The following ABCA9 variants were observed in gnomAD, a reference collection of about 807,000 sequenced individuals.
ABCA9 encodes the protein ATP binding cassette subfamily A member 9.
In ABCA9, 183 loss-of-function variants were observed where a neutral mutation model predicts 205.3. The ratio of observed to expected loss-of-function variants is 0.89; its 90% confidence interval spans 0.79 to 1.01. The LOEUF is 1.01. ABCA9 is among the 50% of genes least tolerant of loss of function. The pLI is 0.00. For synonymous variants in ABCA9, 651 were observed against 683.3 expected, an observed-to-expected ratio of 0.95 and a Z score of 0.74; for missense variants, 1,805 against 1,912.4, an observed-to-expected ratio of 0.94 and a Z score of 1.05.
intron 21 of ABCA9, 142 bp downstream of exon 21, chr17:69,017,514 G>A: frequency 5.8e-6 from 5 of 859,120 alleles, no homozygotes; most frequent in Non-Finnish European, 8.9e-6. Flanking sequence ...GGAAATAATT[G>A]TAGTCCAGCT....
the ABCA9 span, among the ~76,000 whole-genome samples, chr17:69,066,381 C>T: frequency 6.7e-6 from 1 of 148,938 alleles, no homozygotes; most frequent in Admixed American, 6.7e-5. Flanking sequence ...AAAAAAGTAT[C>T]TTTTTTTTTT....
In ABCA9 at chr17:68,998,309, A is replaced by G. The variant is rs79742164; in HGVS notation, c.3436-2295T>C. ...GGGCTTTTAAAACGTTTACTTCCAC[A>G]TTTTATATTTGATTATGTCTGACCT... On this transcript the variant is annotated intron_variant, in intron 25 of 38. Transcript: ENST00000340001. 2.8e-3 allele frequency among the ~76,000 whole-genome samples: 430 copies of G among 152,294 alleles called. 3 individuals are homozygous for G. Among genetic ancestry groups the G allele is most frequent in the African/African-American group, 9.8e-3 (409 of 41,568 alleles).
chr17:68,988,648 C>T (rs904446024), intron 31 of ABCA9, among the ~76,000 whole-genome samples: 2 of 152,172 alleles, frequency 1.3e-5, no homozygotes, highest in Admixed American at 6.5e-5. Flanking sequence ...TATGAAGACT[C>T]ATGGCTCTGC....
rs2069180873 is a variant in ABCA9 at position 68,984,976 on chromosome 17, A to G, written c.4288T>C (p.Cys1430Arg). Residue 1430 changes from cysteine (C) to arginine (R), a missense_variant, in exon 34 of 39, where the codon TGC becomes CGC. Physicochemically the swap from Cys to Arg is radical, Grantham distance 180. Coordinates refer to ENST00000340001, the MANE Select transcript of ABCA9 (RefSeq NM_080283.4). ...TLSEGIKRKLCFVLSILGNPS... is the reference protein window; with the variant it reads ...TLSEGIKRKLRFVLSILGNPS... ...TTCCCCAGGATGCTCAGCACAAAGC[A>G]CAGCTGCAACGGGAGGAACAGCCCC... is the stretch of plus-strand genomic sequence containing the variant. 2 of 1,614,188 alleles carry G rather than the reference A, an allele frequency of 1.2e-6. No homozygotes were observed. Among genetic ancestry groups the G allele is most frequent in the Non-Finnish European group, 8.5e-7 (1 of 1,180,040 alleles).
intron 6 of ABCA9, 134 bp downstream of exon 6, chr17:69,043,355 G>T: frequency 1.6e-6 from 1 of 628,494 alleles, no homozygotes; most frequent in Non-Finnish European, 2.7e-6. Context: ...CTGCTATGTG[G>T]CCTGGTACCT....
At chr17:69,031,848 A>C (rs189584896) in intron 10 of ABCA9, among the ~76,000 whole-genome samples, 11 of 152,338 alleles carry the variant, frequency 7.2e-5, no homozygotes, top group African/African-American at 2.6e-4. Context: ...AAGAAAGATA[A>C]TGTGGAAAAT....
At chr17:69,007,506 C>A (rs1333368618) in intron 25 of ABCA9, among the ~76,000 whole-genome samples, 1 of 152,128 alleles carries the variant, frequency 6.6e-6, no homozygotes, top group Admixed American at 6.5e-5. Flanking sequence ...GGTGAAATTG[C>A]AAGTGAATTG....
At chr17:69,075,548 C>T in the ABCA9 span, among the ~76,000 whole-genome samples, 5 of 152,040 alleles carry the variant, frequency 3.3e-5, no homozygotes, top group Admixed American at 3.3e-4. Flanking sequence ...GAACAGATGG[C>T]TATTGGTGTG....
At chr17:69,010,521 T>C (rs938001157) in intron 23 of ABCA9, among the ~76,000 whole-genome samples, 1 of 152,100 alleles carries the variant, frequency 6.6e-6, no homozygotes. Context: ...GGGAGGGCTC[T>C]GCCAGACAAC....
At chr17:68,997,599 T>C (rs1269993203) in intron 25 of ABCA9, among the ~76,000 whole-genome samples, 4 of 149,184 alleles carry the variant, frequency 2.7e-5, no homozygotes, top group African/African-American at 5.0e-5. Flanking sequence ...TTTTTCTTTT[T>C]TTTTTTTTTT....
chr17:68,999,865 C>A (rs1243258797), intron 25 of ABCA9, among the ~76,000 whole-genome samples: 1 of 152,086 alleles, frequency 6.6e-6, no homozygotes, highest in Non-Finnish European at 1.5e-5. Context: ...ATTTGCATTT[C>A]TCTGATGGCC....
chr17:68,991,042 T>A (rs1303009045), intron 28 of ABCA9, 85 bp from the exon 29 acceptor site: 1 of 1,470,082 alleles, frequency 6.8e-7, no homozygotes, highest in African/African-American at 1.4e-5. Flanking sequence ...TACTTCCAAT[T>A]TTTGGAGTAG....
chr17:69,044,656 A>C, intron 4 of ABCA9, 56 bp from the exon 5 acceptor site: 1 of 1,521,916 alleles, frequency 6.6e-7, no homozygotes, highest in Non-Finnish European at 9.0e-7. Context: ...GGCTACAGAA[A>C]AAAACAAAAT....
chr17:69,052,421 A>G (rs947608248), intron 1 of ABCA9, among the ~76,000 whole-genome samples: 2 of 152,148 alleles, frequency 1.3e-5, no homozygotes, highest in African/African-American at 2.4e-5. Context: ...GGTAAAAAAG[A>G]AAAAACAGTA....
At position 69,016,335 on chromosome 17, in the gene ABCA9, A is replaced by G; in HGVS notation, c.2957T>C (p.Leu986Pro). Residue 986 changes from leucine (L) to proline (P), a missense_variant, in exon 22 of 39, where the codon CTC (leucine) becomes CCC (proline). Leu to Pro is a moderately conservative substitution (Grantham distance 98). Transcript: ENST00000340001. ...NTKRLNCFPV[L>P]LDVISNGLLG... ...TAGTCCATTGCTAATGACATCCAGG[A>G]GGACAGGAAAGCAATTCAGCCGTTT... The G allele has an allele frequency of 1.2e-6, 2 of 1,603,908 alleles. No individual in the cohort carries two copies. Among genetic ancestry groups the G allele is most frequent in the East Asian group, 4.6e-5 (2 of 43,934 alleles).
At chr17:69,067,475 G>A in the ABCA9 span, among the ~76,000 whole-genome samples, 1 of 151,194 alleles carries the variant, frequency 6.6e-6, no homozygotes, top group African/African-American at 2.4e-5. Flanking sequence ...TTGAGCCCTT[G>A]AGCCTGGGAG....
Position 68,984,684 on chromosome 17 carries a change from G to C in ABCA9, c.4379+201C>G, listed in dbSNP as rs947407611. Among the ~76,000 whole-genome samples, 10 of 152,218 alleles carry C rather than the reference G, an allele frequency of 6.6e-5. No homozygotes were observed. In the South Asian group the frequency reaches 2.1e-3, roughly 32 times the overall value. On this transcript the variant is annotated intron_variant, in intron 34 of 38. Transcript: ENST00000340001. ...GTAGGCACAGACACAAAAATTATTC[G>C]AGCAAATATTAGGGTGAGATAATAT...
intron 23 of ABCA9, among the ~76,000 whole-genome samples, chr17:69,010,969 C>T (rs761598630): frequency 3.3e-5 from 5 of 152,108 alleles, no homozygotes; most frequent in African/African-American, 4.8e-5. Context: ...ATGGTAATAT[C>T]ACATAGGCCA....
rs752591460 is a variant in ABCA9 at position 69,016,292 on chromosome 17, C to T, written c.3000G>A (p.Ser1000=). ...ISNGLLGIFN[S]SEHIQTDRST... ...TTCTGTCAGTCTGAATGTGTTCTGA[C>T]GAATTAAAAATTCCAAGTAGTCCAT... The change falls in exon 22 of 39, where the codon TCG becomes TCA. Residue 1000 remains serine (S), a synonymous_variant. Coordinates refer to ENST00000340001, the MANE Select transcript of ABCA9 (RefSeq NM_080283.4). 1.5e-5 allele frequency: 24 copies of T among 1,598,816 alleles called. No individual in the cohort carries two copies. Among genetic ancestry groups the T allele is most frequent in the East Asian group, 9.2e-5 (4 of 43,572 alleles).
Sources: gnomAD v4.1 joint callset for allele counts (sites outside exome capture counted in the v4.1 genomes callset) on GRCh38, gnomAD v4.1.1 for gene constraint, MANE v1.5 for transcripts, NCBI Gene and HGNC (gene_info 2026-07-23, HGNC 2026-07-21) for gene names.